The following SUPT3H variants were observed in gnomAD, a reference collection of about 807,000 sequenced individuals.
SUPT3H encodes the protein SPT3 homolog, SAGA and STAGA complex component, also known as transcription initiation protein SPT3 homolog.
SUPT3H carries 44 observed loss-of-function variants against 44.3 expected under a neutral mutation model. The observed-to-expected ratio is 0.99, with a 90% CI of 0.78 to 1.28. The LOEUF is 1.28. SUPT3H is among the 50% of genes most tolerant of loss of function. The probability of loss-of-function intolerance (pLI) is 0.00; values close to 1 mark genes in which losing one functional copy is unlikely to be tolerated. For missense variants in SUPT3H, 380 were observed against 387.1 expected, an observed-to-expected ratio of 0.98 and a Z score of 0.15; for synonymous variants, 124 against 125.6, an observed-to-expected ratio of 0.99 and a Z score of 0.09.
chr6:45,150,054 C>A (rs546587689), intron 2 of SUPT3H, among the ~76,000 whole-genome samples: 1 of 152,004 alleles, frequency 6.6e-6, no homozygotes, highest in African/African-American at 2.4e-5. Context: ...TTTTTAAGAG[C>A]TCCTCAGAAT....
At chr6:45,299,023 A>G (rs971615192) in intron 2 of SUPT3H, among the ~76,000 whole-genome samples, 2 of 152,216 alleles carry the variant, frequency 1.3e-5, no homozygotes, top group African/African-American at 4.8e-5. Flanking sequence ...AGTTTAAAAA[A>G]CATCAAAATA....
chr6:45,353,429 C>T (rs559647054), intron 2 of SUPT3H, among the ~76,000 whole-genome samples: 2 of 151,958 alleles, frequency 1.3e-5, no homozygotes, highest in South Asian at 2.1e-4. Context: ...TAAAATAATG[C>T]AGTACTGGCA....
intron 2 of SUPT3H, among the ~76,000 whole-genome samples, chr6:45,296,883 C>T (rs1487291789): frequency 7.2e-6 from 1 of 138,642 alleles, no homozygotes; most frequent in African/African-American, 2.8e-5. Flanking sequence ...GAGATCATGC[C>T]ACTGCACTCT....
intron 10 of SUPT3H, among the ~76,000 whole-genome samples, chr6:44,833,048 A>C (rs1441032426): frequency 2.6e-5 from 4 of 152,182 alleles, no homozygotes; most frequent in Admixed American, 2.6e-4. Context: ...GTTCCGACTT[A>C]AATATTACTG....
At chr6:44,909,608 G>C (rs559082837) in intron 10 of SUPT3H, among the ~76,000 whole-genome samples, 1 of 152,250 alleles carries the variant, frequency 6.6e-6, no homozygotes, top group South Asian at 2.1e-4. Context: ...TACGAAGACT[G>C]TTCACTTTTA....
At chr6:45,093,465 G>A (rs544411913) in intron 3 of SUPT3H, among the ~76,000 whole-genome samples, 2 of 152,126 alleles carry the variant, frequency 1.3e-5, no homozygotes, top group Non-Finnish European at 2.9e-5. Context: ...GGGGAAAGAA[G>A]ATGCAGAGTT....
At chr6:45,157,538 A>AATAT (rs151176514) in intron 2 of SUPT3H, among the ~76,000 whole-genome samples, 1 of 150,874 alleles carries the variant, frequency 6.6e-6, no homozygotes, top group Non-Finnish European at 1.5e-5. Flanking sequence ...TATATATATA[A>AATAT]ATATATATAT....
At chr6:44,941,892 A>T (rs896004216) in intron 9 of SUPT3H, among the ~76,000 whole-genome samples, 7 of 152,194 alleles carry the variant, frequency 4.6e-5, no homozygotes, top group Non-Finnish European at 1.5e-5. Context: ...GTCTGAATAT[A>T]GAAAGAAGTG....
chr6:45,178,235 A>C (rs1368889979), intron 2 of SUPT3H, among the ~76,000 whole-genome samples: 1 of 152,194 alleles, frequency 6.6e-6, no homozygotes, highest in Non-Finnish European at 1.5e-5. Context: ...TCTACCAAGC[A>C]AATGGAAAAC....
intron 7 of SUPT3H, among the ~76,000 whole-genome samples, chr6:44,958,391 C>T (rs1413446749): frequency 6.6e-6 from 1 of 152,188 alleles, no homozygotes; most frequent in African/African-American, 2.4e-5. Flanking sequence ...CCAGTCCTTT[C>T]CTTAGGGTCC....
chr6:45,308,541 AT>A (rs1337374037), intron 2 of SUPT3H, among the ~76,000 whole-genome samples: 8 of 152,282 alleles, frequency 5.3e-5, no homozygotes, highest in Middle Eastern at 3.4e-3. Flanking sequence ...AGAGAAGCAA[AT>A]GCTGAGAGAT....
chr6:45,158,298 A>ATATATATATATATATATATTTTTTTTTTT, intron 2 of SUPT3H, among the ~76,000 whole-genome samples: 1 of 99,694 alleles, frequency 1.0e-5, no homozygotes, highest in African/African-American at 5.0e-5. Flanking sequence ...ATATATATAT[A>ATATATATATATATATATATTTTTTTTTTT]TTTTTTTTTT....
At chr6:45,365,419 T>C (rs1794966434) in intron 1 of SUPT3H, 118 bp from the exon 2 acceptor site, 1 of 670,718 alleles carries the variant, frequency 1.5e-6, no homozygotes, top group Non-Finnish European at 2.4e-6. Flanking sequence ...ATTTCTGATT[T>C]GTTTTGCACA....
intron 2 of SUPT3H, among the ~76,000 whole-genome samples, chr6:45,130,637 A>C (rs1175777480): frequency 6.6e-6 from 1 of 150,512 alleles, no homozygotes; most frequent in Non-Finnish European, 1.5e-5. Flanking sequence ...TTTGAACTTT[A>C]AAGAGTCACA....
intron 6 of SUPT3H, among the ~76,000 whole-genome samples, chr6:44,998,079 T>C (rs1313923551): frequency 1.3e-5 from 2 of 151,924 alleles, no homozygotes; most frequent in African/African-American, 4.8e-5. Flanking sequence ...AAGGAAGGTA[T>C]TATGATAATT....
chr6:45,300,892 T>C (rs1782044201), intron 2 of SUPT3H, among the ~76,000 whole-genome samples: 1 of 151,954 alleles, frequency 6.6e-6, no homozygotes, highest in African/African-American at 2.4e-5. Context: ...TTTAAAGAAG[T>C]GAATGAGGCA....
At chr6:44,940,514 T>C (rs1232284126) in intron 9 of SUPT3H, among the ~76,000 whole-genome samples, 1 of 152,122 alleles carries the variant, frequency 6.6e-6, no homozygotes, top group Non-Finnish European at 1.5e-5. Flanking sequence ...TCTGCAGTTG[T>C]TGGGTAGAAT....
chr6:44,880,211 A>G (rs1006745516), intron 10 of SUPT3H, among the ~76,000 whole-genome samples: 1 of 152,110 alleles, frequency 6.6e-6, no homozygotes, highest in Non-Finnish European at 1.5e-5. Flanking sequence ...GTCTAGAATA[A>G]CCAGTTTAGA....
chr6:44,986,901 A>T (rs1332756499), intron 6 of SUPT3H, among the ~76,000 whole-genome samples: 1 of 152,092 alleles, frequency 6.6e-6, no homozygotes, highest in Non-Finnish European at 1.5e-5. Context: ...ATAGTAGAGT[A>T]AGGATTTAGA....
Sources: allele counts gnomAD v4.1 joint callset (sites outside exome capture counted in the v4.1 genomes callset), GRCh38; gene constraint gnomAD v4.1.1; transcripts MANE v1.5; gene names NCBI Gene and HGNC (gene_info 2026-07-23, HGNC 2026-07-21).